C7orf33: variants seen among roughly 807,000 people sequenced by gnomAD.
C7orf33 encodes chromosome 7 open reading frame 33, also known as uncharacterized protein C7orf33.
In C7orf33, 15 loss-of-function variants were observed where a neutral mutation model predicts 13.4. That is an observed-to-expected ratio of 1.12 (90% CI 0.75 to 1.72). The LOEUF is 1.72. Among genes scored for constraint, C7orf33 ranks in the 40% most tolerant of loss-of-function variants. C7orf33 has a pLI of 0.00. For missense variants in C7orf33, 187 were observed against 220.3 expected (o/e 0.85, Z 0.96); for synonymous variants, 73 against 83.2 (o/e 0.88, Z 0.67).
intron 2 of C7orf33, among the ~76,000 whole-genome samples, chr7:148,615,099 T>TGGC (rs1343938395): frequency 1.3e-5 from 2 of 152,160 alleles, no homozygotes; most frequent in Admixed American, 6.5e-5. Flanking sequence ...GTTATAAGAC[T>TGGC]GGCTAATTTT....
intron 1 of C7orf33, among the ~76,000 whole-genome samples, chr7:148,592,204 CT>C (rs1796278463): frequency 6.6e-6 from 1 of 152,146 alleles, no homozygotes; most frequent in Non-Finnish European, 1.5e-5. Flanking sequence ...ATTTCATGAC[CT>C]TTCCCTGAGA....
At chr7:148,593,493 G>T (rs193129815) in intron 1 of C7orf33, among the ~76,000 whole-genome samples, 1 of 152,150 alleles carries the variant, frequency 6.6e-6, no homozygotes, top group East Asian at 1.9e-4. Context: ...TCGAACTCCT[G>T]ACCTCAAATC....
In C7orf33 at chr7:148,595,580, T is replaced by C. The variant is rs183066988; in HGVS notation, c.204+4451T>C. Among the ~76,000 whole-genome samples, 437 of 131,972 alleles carry C rather than the reference T, an allele frequency of 3.3e-3. 3 individuals are homozygous for C. Among genetic ancestry groups the C allele is most frequent in the African/African-American group, 0.012 (416 of 33,720 alleles). 86.6% of individuals were successfully genotyped at this position (131,972 alleles called of 152,430 possible). ...ATATAGCTATATAATATATATAATA[T>C]AGATCTATATTATATAGATATACAT... On this transcript the variant is annotated intron_variant, in intron 1 of 2. Coordinates refer to ENST00000307003, the MANE Select transcript of C7orf33 (RefSeq NM_145304.4).
rs1322955310 is a variant in C7orf33, at chr7:148,599,848, G to A, written c.204+8719G>A. The stretch of plus-strand genomic sequence containing the variant: ...AGAGCTGGCCCTTGACCTGCAGCAC[G>A]ACTACTCTCTTCCCATCTCCAGCTC... On this transcript the variant is annotated intron_variant, in intron 1 of 2. Transcript: ENST00000307003. 5.9e-5 allele frequency among the ~76,000 whole-genome samples: 9 copies of A among 152,092 alleles called. 1 individual carries two copies. The highest frequency in any genetic ancestry group is 1.2e-4 in the Non-Finnish European group (8 of 68,020).
intron 1 of C7orf33, 28 bp downstream of exon 1, chr7:148,591,157 A>T (rs1459760841): frequency 3.2e-6 from 5 of 1,538,658 alleles, no homozygotes; most frequent in Non-Finnish European, 4.5e-6. Context: ...AGATGAATCA[A>T]CTGCTCTTTG....
At chr7:148,613,071 A>G (rs537336347) in intron 1 of C7orf33, among the ~76,000 whole-genome samples, 23 of 152,290 alleles carry the variant, frequency 1.5e-4, no homozygotes, top group South Asian at 4.1e-4. Flanking sequence ...CTACTGTGCT[A>G]CAGAACAGCA....
intron 2 of C7orf33, 93 bp downstream of exon 2, chr7:148,614,389 G>C (rs1479785914): frequency 7.7e-7 from 1 of 1,304,542 alleles, no homozygotes; most frequent in Non-Finnish European, 1.1e-6. Context: ...AGGGATTGTT[G>C]CATTCTTGCA....
chr7:148,595,365 T>C (rs1455507537), intron 1 of C7orf33, among the ~76,000 whole-genome samples: 1 of 135,910 alleles, frequency 7.4e-6, no homozygotes, highest in African/African-American at 2.8e-5. Context: ...ATATATCAAA[T>C]ATAATATAGA....
At chr7:148,615,036 AT>A (rs1445624988) in intron 2 of C7orf33, among the ~76,000 whole-genome samples, 3 of 152,132 alleles carry the variant, frequency 2.0e-5, no homozygotes, top group East Asian at 1.9e-4. Flanking sequence ...AGAGATAGCG[AT>A]TTTTTTTAAT....
intron 2 of C7orf33, among the ~76,000 whole-genome samples, 178 bp from the exon 3 acceptor site, chr7:148,615,149 G>A (rs1796587235): frequency 6.6e-6 from 1 of 152,080 alleles, no homozygotes; most frequent in African/African-American, 2.4e-5. Flanking sequence ...ATGCTGCCCA[G>A]GCTGGTCTCA....
At chr7:148,591,161 C>G (rs764130769) in intron 1 of C7orf33, 32 bp downstream of exon 1, 9 of 1,518,002 alleles carry the variant, frequency 5.9e-6, no homozygotes, top group Non-Finnish European at 8.2e-6. Flanking sequence ...GAATCAACTG[C>G]TCTTTGAGTC....
intron 1 of C7orf33, among the ~76,000 whole-genome samples, chr7:148,598,859 TTTTA>T (rs905424560): frequency 1.3e-5 from 2 of 148,654 alleles, no homozygotes; most frequent in Non-Finnish European, 3.0e-5. Flanking sequence ...CTTTTTTTAA[TTTTA>T]TTTATTTATT....
chr7:148,607,257 G>T (rs1437357523), intron 1 of C7orf33, among the ~76,000 whole-genome samples: 1 of 152,146 alleles, frequency 6.6e-6, no homozygotes, highest in African/African-American at 2.4e-5. Context: ...TCCTACTCCT[G>T]GCAGATAATG....
At chr7:148,607,182 G>A (rs1455925370) in intron 1 of C7orf33, among the ~76,000 whole-genome samples, 2 of 152,150 alleles carry the variant, frequency 1.3e-5, no homozygotes, top group Admixed American at 6.5e-5. Flanking sequence ...ACTTCTCTGC[G>A]GGGAAGCAAG....
At chr7:148,610,964 C>T (rs781530196) in intron 1 of C7orf33, among the ~76,000 whole-genome samples, 4 of 152,184 alleles carry the variant, frequency 2.6e-5, no homozygotes, top group African/African-American at 4.8e-5. Flanking sequence ...TGGACTGTAT[C>T]AACTAGGCCA....
chr7:148,601,676 A>C (rs1019967312), intron 1 of C7orf33, among the ~76,000 whole-genome samples: 2 of 152,040 alleles, frequency 1.3e-5, no homozygotes, highest in African/African-American at 4.8e-5. Flanking sequence ...GTTATTTGTT[A>C]TTAGTTTTTA....
intron 1 of C7orf33, among the ~76,000 whole-genome samples, chr7:148,598,757 TATATATAGAGAGAGAGAGAGAGAG>T (rs1201407768): frequency 2.2e-3 from 89 of 41,324 alleles, no homozygotes; most frequent in African/African-American, 0.011. Context: ...TATATATATA[TATATATAGAGAGAGAGAGAGAGAG>T]AGAGAGAGAG....
In C7orf33 at chr7:148,591,116, C is replaced by T. The variant is rs752681436; in HGVS notation, c.191C>T (p.Thr64Met). The T allele has an allele frequency of 1.7e-5, 27 of 1,613,042 alleles. No individual in the cohort carries two copies. The highest frequency in any genetic ancestry group is 5.0e-5 in the Admixed American group (3 of 59,820). Reference sequence around the variant, plus strand: ...GGTCAATTTAACTTGTCATATGCCACGGGAAGACATAAGGTAAGTTAATGA... The same window carrying T: ...GGTCAATTTAACTTGTCATATGCCATGGGAAGACATAAGGTAAGTTAATGA... Reference protein sequence around the residue: ...GPGQFNLSYATGRHKKPNPHQ... With the variant: ...GPGQFNLSYAMGRHKKPNPHQ... The change falls in exon 1 of 3, where the codon ACG (threonine) becomes ATG (methionine). Residue 64 changes from threonine (T) to methionine (M), a missense_variant. By Grantham distance (81) the Thr-to-Met change is moderately conservative. Transcript: ENST00000307003.
At chr7:148,611,604 T>C (rs1796544319) in intron 1 of C7orf33, among the ~76,000 whole-genome samples, 1 of 152,120 alleles carries the variant, frequency 6.6e-6, no homozygotes, top group Non-Finnish European at 1.5e-5. Context: ...CACTTATCCT[T>C]CGAGCCCATG....
Sources: allele counts gnomAD v4.1 joint callset (sites outside exome capture counted in the v4.1 genomes callset), GRCh38; gene constraint gnomAD v4.1.1; transcripts MANE v1.5; gene names NCBI Gene and HGNC (gene_info 2026-07-23, HGNC 2026-07-21).